NRG1: variants seen among roughly 807,000 people sequenced by gnomAD.
The protein encoded by NRG1 is neuregulin 1.
NRG1 carries 18 observed loss-of-function variants against 63.8 expected under a neutral mutation model. The observed-to-expected ratio is 0.28, with a 90% CI of 0.19 to 0.42. The LOEUF is 0.42. Among genes scored for constraint, NRG1 ranks in the 10% least tolerant of loss-of-function variants. NRG1 has a pLI of 1.00. For synonymous variants in NRG1, 302 were observed against 301.3 expected (o/e 1.00, Z -0.02); for missense variants, 762 against 814.7 (o/e 0.94, Z 0.79).
rs145574423 is a variant in NRG1, at chr8:32,313,452, C to T, written c.38-282376C>T. Among the ~76,000 whole-genome samples, 574 of 152,086 alleles carry T rather than the reference C, an allele frequency of 3.8e-3. 17 individuals are homozygous for T. Among genetic ancestry groups the T allele is most frequent in the East Asian group, 0.033 (171 of 5,176 alleles). On this transcript the variant is annotated intron_variant, in intron 1 of 10. Coordinates refer to the NRG1 transcript ENST00000519301. ...TAAATAACGAGTCCTCTGAAAATGC[C>T]GAAGTGTCTTAATCTTTTGAAAAAA...
intron 3 of NRG1, among the ~76,000 whole-genome samples, chr8:32,609,539 T>C (rs1845923586): frequency 6.9e-6 from 1 of 145,178 alleles, no homozygotes; most frequent in South Asian, 2.2e-4. Flanking sequence ...TTCTCAAGAA[T>C]TTCCTTCCCT....
chr8:32,765,099 T>A (rs1831321919), exon 12 of NRG1: 2 of 152,192 alleles, frequency 1.3e-5, no homozygotes, highest in Non-Finnish European at 2.9e-5. Flanking sequence ...TTACTTTATT[T>A]GATTTTATTT....
chr8:32,344,602 A>ATTTTTTTTTTTTT (rs61448713), intron 1 of NRG1, among the ~76,000 whole-genome samples: 38 of 101,160 alleles, frequency 3.8e-4, no homozygotes, highest in African/African-American at 7.5e-4. Context: ...ACACTCAGCT[A>ATTTTTTTTTTTTT]TTTTTTTTTT....
chr8:32,403,832 C>T (rs1026817278), intron 1 of NRG1, among the ~76,000 whole-genome samples: 1 of 152,056 alleles, frequency 6.6e-6, no homozygotes, highest in Non-Finnish European at 1.5e-5. Flanking sequence ...TTTGTCTTCC[C>T]ATGGTACAAA....
chr8:32,361,472 C>G (rs1295021259), intron 1 of NRG1, among the ~76,000 whole-genome samples: 1 of 152,076 alleles, frequency 6.6e-6, no homozygotes, highest in Admixed American at 6.6e-5. Flanking sequence ...AGCCTTCATC[C>G]CATGTAGCCA....
Position 32,060,687 on chromosome 8 carries a change from A to G in NRG1, c.37+421256A>G, listed in dbSNP as rs77387818. ...AACAACATATGTAGCTGTTTCATACATGGAGCTTACATTGGGTTTTGTTTT... is the reference window on the plus strand; with the variant it reads ...AACAACATATGTAGCTGTTTCATACGTGGAGCTTACATTGGGTTTTGTTTT... On this transcript the variant is annotated intron_variant, in intron 1 of 10. Transcript: ENST00000519301. Among the ~76,000 whole-genome samples the G allele has an allele frequency of 9.2e-3, 1,404 of 152,052 alleles. 24 individuals carry two copies. The highest frequency in any genetic ancestry group is 0.032 in the African/African-American group (1,334 of 41,532).
chr8:31,764,575 A>G (rs1208659062), intron 1 of NRG1, among the ~76,000 whole-genome samples: 3 of 152,154 alleles, frequency 2.0e-5, no homozygotes, highest in African/African-American at 7.2e-5. Context: ...TTTTCTCCTC[A>G]TATGAATTTT....
chr8:31,771,648 G>C (rs912091893), intron 1 of NRG1, among the ~76,000 whole-genome samples: 4 of 152,054 alleles, frequency 2.6e-5, no homozygotes, highest in African/African-American at 9.7e-5. Flanking sequence ...AAAACAGAAA[G>C]GTAATAATTG....
rs75324844 is a variant in NRG1 at position 32,149,619 on chromosome 8, T to G, written c.38-446209T>G. 5.0e-3 allele frequency among the ~76,000 whole-genome samples: 766 copies of G among 152,372 alleles called. 5 individuals are homozygous for G. Among genetic ancestry groups the G allele is most frequent in the African/African-American group, 0.017 (724 of 41,586 alleles). Reference sequence around the variant, plus strand: ...AAAGTTTTTGATGCTAGAGCATTCTTTTGTATCCCCAGGAGACACTCAGAA... The same window carrying G: ...AAAGTTTTTGATGCTAGAGCATTCTGTTGTATCCCCAGGAGACACTCAGAA... On this transcript the variant is annotated intron_variant, in intron 1 of 10. Coordinates refer to the NRG1 transcript ENST00000519301.
Position 32,752,997 on chromosome 8 carries a change from T to C in NRG1, c.692-1375T>C, listed in dbSNP as rs189648319. On this transcript the variant is annotated intron_variant, in intron 7 of 11. Transcript: ENST00000356819. ...ATTCACTTTTTCATTTCAAGAAAAC[T>C]TCCTGCAAGCTGCCCTCTCTCAAAA... 9.2e-5 allele frequency among the ~76,000 whole-genome samples: 14 copies of C among 152,316 alleles called. No individual in the cohort carries two copies. The East Asian group carries it at 2.3e-3, about 25-fold the overall frequency.
At chr8:31,669,678 AT>A (rs1420079421) in intron 1 of NRG1, among the ~76,000 whole-genome samples, 1 of 152,216 alleles carries the variant, frequency 6.6e-6, no homozygotes, top group Non-Finnish European at 1.5e-5. Flanking sequence ...CTGACTCTGA[AT>A]TTATATGCTA....
chr8:32,709,866 G>T (rs1352710161), intron 5 of NRG1, among the ~76,000 whole-genome samples: 1 of 152,162 alleles, frequency 6.6e-6, no homozygotes, highest in Non-Finnish European at 1.5e-5. Context: ...TGAAGAGACT[G>T]ATGAAAATTA....
At chr8:32,437,103 G>A (rs1818888284) in intron 1 of NRG1, among the ~76,000 whole-genome samples, 1 of 152,024 alleles carries the variant, frequency 6.6e-6, no homozygotes, top group Non-Finnish European at 1.5e-5. Context: ...GCCATATCAG[G>A]GGATCTTCCA....
chr8:32,704,233 T>A, intron 5 of NRG1, among the ~76,000 whole-genome samples: 1 of 152,216 alleles, frequency 6.6e-6, no homozygotes, highest in East Asian at 1.9e-4. Context: ...ACATATTAAG[T>A]AAAAAGTGTG....
chr8:32,456,415 A>C (rs752753650), intron 1 of NRG1, among the ~76,000 whole-genome samples: 1 of 152,148 alleles, frequency 6.6e-6, no homozygotes, highest in African/African-American at 2.4e-5. Context: ...AGATTTGAAA[A>C]GTTTTGGTCC....
intron 1 of NRG1, among the ~76,000 whole-genome samples, chr8:31,785,905 C>T: frequency 6.6e-6 from 1 of 152,136 alleles, no homozygotes; most frequent in East Asian, 1.9e-4. Flanking sequence ...GGCCACTTCA[C>T]CTCCCATTTA....
chr8:32,393,067 A>G (rs887708249), intron 1 of NRG1, among the ~76,000 whole-genome samples: 1 of 152,182 alleles, frequency 6.6e-6, no homozygotes, highest in Non-Finnish European at 1.5e-5. Flanking sequence ...TTCCCAGACC[A>G]TACACCTGAG....
intron 1 of NRG1, among the ~76,000 whole-genome samples, chr8:32,569,287 G>C (rs1237849324): frequency 2.0e-5 from 3 of 152,152 alleles, no homozygotes; most frequent in Non-Finnish European, 2.9e-5. Context: ...GACTTCAACT[G>C]ATCCGCCCAC....
chr8:31,852,948 C>A (rs555148384), intron 1 of NRG1, among the ~76,000 whole-genome samples: 1 of 152,094 alleles, frequency 6.6e-6, no homozygotes, highest in Non-Finnish European at 1.5e-5. Flanking sequence ...TCTGAGGGCT[C>A]TGTTCTGTTC....
Sources: gnomAD v4.1 joint callset for allele counts (sites outside exome capture counted in the v4.1 genomes callset) on GRCh38, gnomAD v4.1.1 for gene constraint, MANE v1.5 for transcripts, NCBI Gene and HGNC (gene_info 2026-07-23, HGNC 2026-07-21) for gene names.